SCOC: variants seen among roughly 807,000 people sequenced by gnomAD.
SCOC encodes short coiled-coil protein.
SCOC carries 7 observed loss-of-function variants against 9.9 expected under a neutral mutation model. That is an observed-to-expected ratio of 0.71 (90% CI 0.40 to 1.33). The LOEUF (loss-of-function observed/expected upper bound fraction) is 1.33, where lower values mean the gene tolerates loss of function less well. Among genes scored for constraint, SCOC ranks in the 40% most tolerant of loss-of-function variants. The pLI is 0.01. For synonymous variants in SCOC, 19 were observed against 28.2 expected (o/e 0.67, Z 1.03); for missense variants, 66 against 89.7 (o/e 0.74, Z 1.07).
chr4:140,338,014 A>C (rs1733008458), intron 1 of SCOC, among the ~76,000 whole-genome samples: 1 of 152,246 alleles, frequency 6.6e-6, no homozygotes, highest in African/African-American at 2.4e-5. Context: ...ATTTTAGACC[A>C]ATATCCCTGA....
At chr4:140,343,384 C>T (rs1334367612), upstream of SCOC, 3 of 364,984 alleles carry the variant, frequency 8.2e-6, no homozygotes, top group Non-Finnish European at 1.5e-5. Flanking sequence ...GTACAGCAGC[C>T]GTGCCAGCAC....
chr4:140,314,824 AC>A (rs929297678), intron 1 of SCOC, among the ~76,000 whole-genome samples: 3 of 152,180 alleles, frequency 2.0e-5, no homozygotes, highest in African/African-American at 7.2e-5. Flanking sequence ...CAGGGGTGCC[AC>A]TGGGATCTGA....
upstream of SCOC, among the ~76,000 whole-genome samples, chr4:140,339,403 G>A (rs1252980851): frequency 6.6e-6 from 1 of 152,112 alleles, no homozygotes; most frequent in Non-Finnish European, 1.5e-5. Flanking sequence ...AGGACTTCAT[G>A]ACTAAAACAC....
chr4:140,291,333 C>T (rs1054483457), intron 1 of SCOC: 1 of 445,242 alleles, frequency 2.2e-6, no homozygotes, highest in Non-Finnish European at 4.6e-6. Flanking sequence ...GAGATTATAT[C>T]CTGGAGTCCT....
intron 2 of SCOC, among the ~76,000 whole-genome samples, chr4:140,348,269 C>T (rs1226575182): frequency 1.3e-5 from 2 of 152,010 alleles, no homozygotes; most frequent in African/African-American, 4.8e-5. Context: ...TTCATCTTGT[C>T]GAATTGAAAT....
At chr4:140,260,612 T>C (rs772695811) in intron 1 of SCOC, among the ~76,000 whole-genome samples, 2 of 152,206 alleles carry the variant, frequency 1.3e-5, no homozygotes, top group African/African-American at 4.8e-5. Flanking sequence ...CTTGTCACTC[T>C]AGACCAATGT....
intron 2 of SCOC, among the ~76,000 whole-genome samples, chr4:140,362,274 C>CTTCT: frequency 1.1e-4 from 1 of 9,478 alleles, no homozygotes; most frequent in South Asian, 3.2e-3. Flanking sequence ...CAGGTGTGTC[C>CTTCT]TTACTTCTTC....
At chr4:140,377,320 C>CAGT (rs1433278417) in intron 1 of SCOC, among the ~76,000 whole-genome samples, 1 of 152,098 alleles carries the variant, frequency 6.6e-6, no homozygotes, top group Non-Finnish European at 1.5e-5. Context: ...TTAAATACTA[C>CAGT]AGTAGGCTGA....
intron 1 of SCOC, among the ~76,000 whole-genome samples, chr4:140,281,843 G>T (rs1174236931): frequency 2.0e-5 from 3 of 152,164 alleles, no homozygotes; most frequent in African/African-American, 7.2e-5. Context: ...GGCGAGGGGG[G>T]ACCCTAGTAT....
intron 2 of SCOC, among the ~76,000 whole-genome samples, chr4:140,356,380 G>T (rs956685453): frequency 7.2e-5 from 11 of 152,116 alleles, no homozygotes; most frequent in African/African-American, 2.4e-4. Context: ...CAGGAAAATG[G>T]CATCCCTACA....
chr4:140,329,180 G>A (rs1283601522), intron 1 of SCOC, among the ~76,000 whole-genome samples: 1 of 152,082 alleles, frequency 6.6e-6, no homozygotes, highest in Non-Finnish European at 1.5e-5. Context: ...GACAAAGCAA[G>A]CAAAAACATA....
chr4:140,325,282 C>T (rs1245452976), intron 1 of SCOC, among the ~76,000 whole-genome samples: 1 of 151,950 alleles, frequency 6.6e-6, no homozygotes, highest in African/African-American at 2.4e-5. Context: ...AATAAAAGCA[C>T]AATCCATAAA....
chr4:140,351,081 T>C lies in SCOC; in HGVS notation c.70+7373T>C, dbSNP rs537649024. 2.6e-3 allele frequency among the ~76,000 whole-genome samples: 391 copies of C among 151,500 alleles called. 4 individuals carry two copies. The highest frequency in any genetic ancestry group is 4.5e-3 in the Non-Finnish European group (304 of 67,886). ...GCCAGGTGCCTGTAATCCCAGCTAC[T>C]CGGGAGGCTGAGGCAGGGGAATCGC... On this transcript the variant is annotated intron_variant, in intron 2 of 4. Coordinates refer to the SCOC transcript ENST00000338517.
At chr4:140,339,597 T>C (rs1042358479), upstream of SCOC, among the ~76,000 whole-genome samples, 1 of 152,030 alleles carries the variant, frequency 6.6e-6, no homozygotes, top group Non-Finnish European at 1.5e-5. Context: ...CTCAAACAAA[T>C]TTACAAGAAA....
intron 1 of SCOC, among the ~76,000 whole-genome samples, chr4:140,287,668 T>C (rs1375905744): frequency 6.6e-6 from 1 of 151,944 alleles, no homozygotes; most frequent in Non-Finnish European, 1.5e-5. Flanking sequence ...ATACCACATG[T>C]CACACATATG....
chr4:140,338,354 C>A (rs1383578977), intron 1 of SCOC, among the ~76,000 whole-genome samples: 1 of 152,138 alleles, frequency 6.6e-6, no homozygotes, highest in Non-Finnish European at 1.5e-5. Context: ...ACTGAATGGG[C>A]AAAAACTGGA....
chr4:140,267,629 C>T (rs1246459928), intron 1 of SCOC, among the ~76,000 whole-genome samples: 5 of 152,118 alleles, frequency 3.3e-5, no homozygotes, highest in African/African-American at 7.2e-5. Context: ...CGCACCTCTC[C>T]CACTCCATTT....
intron 1 of SCOC, among the ~76,000 whole-genome samples, chr4:140,337,490 T>C (rs908141189): frequency 2.0e-5 from 3 of 152,122 alleles, no homozygotes; most frequent in African/African-American, 7.2e-5. Context: ...TATAGCCCAA[T>C]GGACTAGAAA....
rs572376792 is a variant in SCOC at position 140,352,816 on chromosome 4, C to CA, written c.70+9115dup. ...TTTTTCTACGTCATTAGAATAAGCA[C>CA]AAAAAAAGGGAGGGGGGCATTAGAA... is the stretch of plus-strand genomic sequence containing the variant. On this transcript the variant is annotated intron_variant, in intron 2 of 4. Transcript: ENST00000338517. Among the ~76,000 whole-genome samples the CA allele has an allele frequency of 3.4e-4, 52 of 151,762 alleles. No individual in the cohort carries two copies. In the Middle Eastern group the frequency reaches 0.014, roughly 40 times the overall value.
Sources: gnomAD v4.1 joint callset for allele counts (sites outside exome capture counted in the v4.1 genomes callset) on GRCh38, gnomAD v4.1.1 for gene constraint, MANE v1.5 for transcripts, NCBI Gene and HGNC (gene_info 2026-07-23, HGNC 2026-07-21) for gene names.